The following IGDCC4 variants were observed in gnomAD, a reference collection of about 807,000 sequenced individuals.
The protein encoded by IGDCC4 is immunoglobulin superfamily DCC subclass member 4, also known as likely ortholog of mouse neighbor of Punc E11.
In IGDCC4, 72 loss-of-function variants were observed where a neutral mutation model predicts 116.6. The ratio of observed to expected loss-of-function variants is 0.62; its 90% CI spans 0.51 to 0.75. IGDCC4 has a LOEUF of 0.75. Ranked by LOEUF, IGDCC4 falls within the 30% of genes least tolerant of loss-of-function variation. IGDCC4 has a pLI of 0.00. For missense variants in IGDCC4, 1,501 were observed against 1,662.4 expected (o/e 0.90, Z 1.69); for synonymous variants, 709 against 719.9 (o/e 0.98, Z 0.24).
At chr15:65,395,713 G>T in intron 7 of IGDCC4, 37 bp downstream of exon 7, 2 of 1,412,158 alleles carry the variant, frequency 1.4e-6, no homozygotes, top group South Asian at 1.6e-5. Context: ...GCCCCGCCCG[G>T]GCCTGCGCTG....
At chr15:65,416,593 C>T (rs527492926) in intron 1 of IGDCC4, among the ~76,000 whole-genome samples, 1 of 152,130 alleles carries the variant, frequency 6.6e-6, no homozygotes, top group Non-Finnish European at 1.5e-5. Flanking sequence ...TTACTTGCCA[C>T]CCCCAGCCCA....
In IGDCC4 at chr15:65,386,054, G is replaced by C; in HGVS notation, c.2957C>G (p.Ser986Cys). The change falls in exon 18 of 20, where the codon TCC (serine) becomes TGC (cysteine). Residue 986 changes from serine (S) to cysteine (C), a missense_variant. Around this residue, in one of 3 missense-constraint regions of IGDCC4, gnomAD observed 368 missense variants for 355.6 expected, o/e 1.03. Coordinates refer to ENST00000352385, the MANE Select transcript of IGDCC4 (RefSeq NM_020962.3). ...AGLRRSPHRE[S>C]LPGLSSTATP... is the part of the protein sequence containing the mutation. ...GGCGGTGGAGGACAGGCCTGGGAGG[G>C]ATTCCCTGGAAGGGAAGACGGAAAA... is the stretch of plus-strand genomic sequence containing the variant. 6.6e-7 allele frequency: 1 copy of C among 1,506,388 alleles called. No individual in the cohort carries two copies. The highest frequency in any genetic ancestry group is 1.4e-5 in the African/African-American group (1 of 71,104). 93.3% of individuals were successfully genotyped at this position (1,506,388 alleles called of 1,614,324 possible).
rs2063091148 is a variant in IGDCC4 at position 65,411,279 on chromosome 15, C to T, written c.162G>A (p.Val54=). 2 of 1,613,800 alleles carry T rather than the reference C, an allele frequency of 1.2e-6. No homozygotes were observed. Among genetic ancestry groups the T allele is most frequent in the Non-Finnish European group, 1.7e-6 (2 of 1,179,886 alleles). The change falls in exon 2 of 20, where the codon GTG becomes GTA. Residue 54 remains valine (V), a synonymous_variant. Transcript: ENST00000352385. ...QVILGPEQAA[V]LNCSLGAAAA... ...CAGCAGCCCCCAGGCTACAGTTTAG[C>T]ACTGCAGCCTGCTCTGGGCCCAGGA...
chr15:65,409,472 G>A (rs1287473427), intron 3 of IGDCC4, among the ~76,000 whole-genome samples: 1 of 152,186 alleles, frequency 6.6e-6, no homozygotes, highest in Non-Finnish European at 1.5e-5. Context: ...TGATGACTGA[G>A]TCATGAGACC....
At position 65,383,939 on chromosome 15, in the gene IGDCC4, A is replaced by T; in HGVS notation, c.*70T>A. On this transcript the variant is annotated 3_prime_UTR_variant, in exon 20 of 20. Coordinates refer to ENST00000352385, the MANE Select transcript of IGDCC4 (RefSeq NM_020962.3). ...TATCTACAGGCACACATGTGGACAT[A>T]CACGGCCACAGGTATCGCATCCTAT... The T allele has an allele frequency of 7.2e-7, 1 of 1,385,044 alleles. No homozygotes were observed. The highest frequency in any genetic ancestry group is 2.4e-5 in the East Asian group (1 of 41,592). 85.8% of individuals were successfully genotyped at this position (1,385,044 alleles called of 1,614,324 possible).
rs564923988 is a variant in IGDCC4 at position 65,395,321 on chromosome 15, T to C, written c.1412-63A>G. 1.8e-4 allele frequency: 278 copies of C among 1,525,132 alleles called. 1 individual carries two copies. The African/African-American group carries it at 3.5e-3, about 19-fold the overall frequency. 94.5% of individuals were successfully genotyped at this position (1,525,132 alleles called of 1,614,324 possible). On this transcript the variant is annotated intron_variant, in intron 7 of 19. Coordinates refer to ENST00000352385, the MANE Select transcript of IGDCC4 (RefSeq NM_020962.3). Reference sequence around the variant, plus strand: ...ACCCCCCCGTGCTGGCTAGCTGGAGTCTGTATAGGAATCCTTCATATTGTC... The same window carrying C: ...ACCCCCCCGTGCTGGCTAGCTGGAGCCTGTATAGGAATCCTTCATATTGTC...
At position 65,384,884 on chromosome 15, in the gene IGDCC4, T is replaced by G. The variant is rs1256445538; in HGVS notation, c.3342+70A>C. The stretch of plus-strand genomic sequence containing the variant: ...TACCACCCAGGGGTCTCCAGAGAAC[T>G]CATTACTTCCTCTTCACAAGCACAG... On this transcript the variant is annotated intron_variant, in intron 19 of 19. Transcript: ENST00000352385. This position sits in a 1 kb window ranked among gnomAD's most constrained non-coding sequence, Gnocchi z 4.9. 3 of 1,542,174 alleles carry G rather than the reference T, an allele frequency of 1.9e-6. No individual in the cohort carries two copies. The highest frequency in any genetic ancestry group is 2.6e-6 in the Non-Finnish European group (3 of 1,144,918).
chr15:65,414,647 T>C (rs953276964), intron 1 of IGDCC4, among the ~76,000 whole-genome samples: 8 of 152,180 alleles, frequency 5.3e-5, no homozygotes, highest in African/African-American at 1.9e-4. Context: ...GCTTATTCTT[T>C]GTTTGTTTGT....
chr15:65,408,578 T>C (rs1481982179), intron 3 of IGDCC4, among the ~76,000 whole-genome samples: 1 of 152,236 alleles, frequency 6.6e-6, no homozygotes, highest in Non-Finnish European at 1.5e-5. Flanking sequence ...ACAGCACTTC[T>C]CAGGGCCTTG....
At position 65,385,916 on chromosome 15, in the gene IGDCC4, G is replaced by A; in HGVS notation, c.3095C>T (p.Pro1032Leu). 6.2e-7 allele frequency: 1 copy of A among 1,612,596 alleles called. No individual in the cohort carries two copies. The highest frequency in any genetic ancestry group is 2.2e-5 in the East Asian group (1 of 44,882). ...AGCCCTGTCCTCCACGTCTGAGGGT[G>A]GCGGGGACCAGTCCTGGGGATGGGG... is the stretch of plus-strand genomic sequence containing the variant. ...VHPHPQDWSP[P>L]PSDVEDRAEV... is the part of the protein sequence containing the mutation. Residue 1032 changes from proline (P) to leucine (L), a missense_variant, in exon 18 of 20, where the codon CCA becomes CTA. Around this residue, in one of 3 missense-constraint regions of IGDCC4, gnomAD observed 368 missense variants for 355.6 expected, o/e 1.03. Transcript: ENST00000352385.
intron 18 of IGDCC4, 187 bp downstream of exon 18, chr15:65,385,644 G>A: frequency 1.5e-6 from 1 of 672,484 alleles, no homozygotes; most frequent in Non-Finnish European, 2.7e-6. Context: ...GACCTATTCC[G>A]CCGGGATATG....
chr15:65,420,059 G>A (rs1595798139), intron 1 of IGDCC4, among the ~76,000 whole-genome samples: 1 of 138,956 alleles, frequency 7.2e-6, no homozygotes, highest in African/African-American at 2.7e-5. Flanking sequence ...CGATTCTCGA[G>A]TCTCAGACTC....
chr15:65,422,644 C>T (rs957551414), intron 1 of IGDCC4, 149 bp downstream of exon 1: 12 of 511,064 alleles, frequency 2.3e-5, no homozygotes, highest in South Asian at 4.3e-5. Flanking sequence ...TCGCAGACCC[C>T]CGCGCAGGCA....
intron 16 of IGDCC4, among the ~76,000 whole-genome samples, chr15:65,387,095 C>T (rs1484333037): frequency 2.0e-5 from 3 of 152,080 alleles, no homozygotes; most frequent in African/African-American, 4.8e-5. Context: ...GGCATGAACA[C>T]GGCTCGCTGT....
intron 16 of IGDCC4, among the ~76,000 whole-genome samples, 175 bp downstream of exon 16, chr15:65,388,274 C>T (rs910223494): frequency 6.6e-5 from 10 of 151,498 alleles, no homozygotes; most frequent in African/African-American, 1.7e-4. Flanking sequence ...CAGTCCCCCA[C>T]GAACCTGGCC....
intron 1 of IGDCC4, among the ~76,000 whole-genome samples, chr15:65,413,416 C>T (rs1339981486): frequency 2.0e-5 from 3 of 152,100 alleles, no homozygotes; most frequent in African/African-American, 7.2e-5. Flanking sequence ...CTCCCAAGGC[C>T]CCAGAGGAAC....
chr15:65,391,473 C>T (rs995769113), intron 12 of IGDCC4, among the ~76,000 whole-genome samples: 9 of 152,126 alleles, frequency 5.9e-5, no homozygotes, highest in African/African-American at 1.4e-4. Context: ...CTCAGTTTCC[C>T]GTTAGGTCAC....
chr15:65,382,840 A>G lies in IGDCC4; in HGVS notation c.*1169T>C, dbSNP rs1482148660. 6.6e-6 allele frequency: 1 copy of G among 151,862 alleles called. No individual in the cohort carries two copies. Among genetic ancestry groups the G allele is most frequent in the Admixed American group, 6.6e-5 (1 of 15,250 alleles). 9.4% of individuals were successfully genotyped at this position (151,862 alleles called of 1,614,324 possible). On this transcript the variant is annotated 3_prime_UTR_variant, in exon 20 of 20. Coordinates refer to ENST00000352385, the MANE Select transcript of IGDCC4 (RefSeq NM_020962.3). ...TTCTTCTGGAAGAGAGGCCCAAATC[A>G]TCTCCATCCAGTAAACTTGCCCCCC...
At chr15:65,405,471 T>C (rs571589848) in intron 3 of IGDCC4, among the ~76,000 whole-genome samples, 8 of 152,326 alleles carry the variant, frequency 5.3e-5, no homozygotes, top group Non-Finnish European at 8.8e-5. Flanking sequence ...TGTATGTGAT[T>C]TTAGCAAGTG....
Sources: gnomAD v4.1 joint callset for allele counts (sites outside exome capture counted in the v4.1 genomes callset) on GRCh38, gnomAD v4.1.1 for gene constraint, gnomAD v4.1.1 regional missense constraint, Gnocchi (gnomAD v3.1) non-coding constraint, MANE v1.5 for transcripts, NCBI Gene and HGNC (gene_info 2026-07-23, HGNC 2026-07-21) for gene names.